ZNF385B: variants seen among roughly 807,000 people sequenced by gnomAD.
ZNF385B encodes zinc finger protein 385B.
A neutral mutation model predicts 39.2 loss-of-function variants in ZNF385B; 23 were observed. That is an observed-to-expected ratio of 0.59 (90% CI 0.42 to 0.83). The LOEUF is 0.83. Among genes scored for constraint, ZNF385B ranks in the 40% least tolerant of loss-of-function variants. The probability of loss-of-function intolerance (pLI) is 0.00; values close to 1 mark genes in which losing one functional copy is unlikely to be tolerated. For missense variants in ZNF385B, 552 were observed against 598.9 expected (o/e 0.92, Z 0.82); for synonymous variants, 205 against 222.6 (o/e 0.92, Z 0.70).
chr2:179,669,238 G>A (rs1265997831), intron 3 of ZNF385B, among the ~76,000 whole-genome samples: 1 of 152,140 alleles, frequency 6.6e-6, no homozygotes, highest in Non-Finnish European at 1.5e-5. Context: ...TGAGGAGTGG[G>A]GATTTGAAAG....
At chr2:179,851,539 G>A (rs925901679) in intron 1 of ZNF385B, among the ~76,000 whole-genome samples, 1 of 152,154 alleles carries the variant, frequency 6.6e-6, no homozygotes, top group Non-Finnish European at 1.5e-5. Flanking sequence ...CCTACAACAA[G>A]AAAATGCTAA....
chr2:179,582,618 T>C (rs904550437), intron 3 of ZNF385B, among the ~76,000 whole-genome samples: 4 of 152,190 alleles, frequency 2.6e-5, no homozygotes, highest in African/African-American at 9.6e-5. Context: ...ATGGAGATTA[T>C]ACTCAAATGC....
At chr2:179,811,410 T>G (rs1018987721) in intron 1 of ZNF385B, among the ~76,000 whole-genome samples, 7 of 152,120 alleles carry the variant, frequency 4.6e-5, no homozygotes, top group Non-Finnish European at 1.0e-4. Context: ...CAAACTATAC[T>G]ATATGGCTGT....
chr2:179,795,691 C>T (rs887289643), intron 1 of ZNF385B, among the ~76,000 whole-genome samples: 4 of 151,966 alleles, frequency 2.6e-5, no homozygotes, highest in African/African-American at 9.7e-5. Context: ...GTTGTTATTA[C>T]AGTGTTTTGA....
intron 3 of ZNF385B, among the ~76,000 whole-genome samples, chr2:179,595,624 C>CTT (rs71029821): frequency 6.9e-5 from 10 of 145,702 alleles, no homozygotes; most frequent in Middle Eastern, 3.3e-3. Context: ...CCCAGATATT[C>CTT]TTTTTTTTTT....
At chr2:179,601,300 A>G (rs1213695928) in intron 3 of ZNF385B, among the ~76,000 whole-genome samples, 2 of 152,174 alleles carry the variant, frequency 1.3e-5, no homozygotes, top group African/African-American at 2.4e-5. Context: ...GAGATTTTGA[A>G]GTTCACTAAG....
chr2:179,666,920 T>C (rs1695235862), intron 3 of ZNF385B, among the ~76,000 whole-genome samples: 1 of 152,224 alleles, frequency 6.6e-6, no homozygotes, highest in South Asian at 2.1e-4. Flanking sequence ...TTTTTTGTTT[T>C]ATCTAGATTC....
chr2:179,660,815 G>C (rs866432033), intron 3 of ZNF385B, among the ~76,000 whole-genome samples: 55 of 152,174 alleles, frequency 3.6e-4, no homozygotes, highest in African/African-American at 1.3e-3. Context: ...TACATAGCAT[G>C]CAAGCCAGCA....
At chr2:179,622,746 T>C (rs951517151) in intron 3 of ZNF385B, among the ~76,000 whole-genome samples, 1 of 152,212 alleles carries the variant, frequency 6.6e-6, no homozygotes, top group South Asian at 2.1e-4. Context: ...CTGGCATGAA[T>C]TTCTGTAACT....
intron 3 of ZNF385B, among the ~76,000 whole-genome samples, chr2:179,766,028 G>C (rs1225670495): frequency 2.5e-5 from 1 of 40,166 alleles, no homozygotes; most frequent in East Asian, 1.3e-3. Context: ...TTGGTACATT[G>C]ATCACACACA....
At chr2:179,700,109 A>C (rs1011498337) in intron 3 of ZNF385B, among the ~76,000 whole-genome samples, 13 of 151,122 alleles carry the variant, frequency 8.6e-5, no homozygotes, top group Non-Finnish European at 1.9e-4. Context: ...AAAAAAAGTT[A>C]CCATTTTCAT....
At chr2:179,570,835 A>C (rs1685127875) in intron 3 of ZNF385B, among the ~76,000 whole-genome samples, 1 of 152,224 alleles carries the variant, frequency 6.6e-6, no homozygotes, top group South Asian at 2.1e-4. Context: ...AGAGTTAATC[A>C]ATTCACAAGG....
chr2:179,782,144 G>A lies in ZNF385B; in HGVS notation c.-154-11472C>T, dbSNP rs185126105. On this transcript the variant is annotated intron_variant, in intron 1 of 9. Transcript: ENST00000410066. ...CAAAAAGCGAATCTACCATGATAAA[G>A]TAGGCTTCATCCCTGGGATGTAAGG... Among the ~76,000 whole-genome samples the A allele has an allele frequency of 4.0e-3, 606 of 152,270 alleles. 3 individuals carry two copies. Among genetic ancestry groups the A allele is most frequent in the Middle Eastern group, 6.8e-3 (2 of 294 alleles).
intron 3 of ZNF385B, among the ~76,000 whole-genome samples, chr2:179,754,426 T>C (rs1702882254): frequency 6.6e-6 from 1 of 152,222 alleles, no homozygotes; most frequent in African/African-American, 2.4e-5. Context: ...GGCTTTGCTG[T>C]CAGGATAATG....
At chr2:179,588,130 C>T (rs1475066907) in intron 3 of ZNF385B, among the ~76,000 whole-genome samples, 2 of 152,216 alleles carry the variant, frequency 1.3e-5, no homozygotes, top group Admixed American at 1.3e-4. Flanking sequence ...GCTCTGTCGC[C>T]CAGGCTGGAG....
At position 179,553,690 on chromosome 2, in the gene ZNF385B, G is replaced by C. The variant is rs1043722908; in HGVS notation, c.299-8721C>G. On this transcript the variant is annotated intron_variant, in intron 3 of 9. Transcript: ENST00000410066. ...CCTAAAGTAGGTTATATGTAAAGCT[G>C]TTACATGAAAAAGATTCTGTCATCA... Among the ~76,000 whole-genome samples, 11 of 149,058 alleles carry C rather than the reference G, an allele frequency of 7.4e-5. 1 individual carries two copies. The highest frequency in any genetic ancestry group is 2.8e-4 in the African/African-American group (11 of 39,536).
intron 4 of ZNF385B, among the ~76,000 whole-genome samples, chr2:179,526,753 G>T: frequency 6.6e-6 from 1 of 152,156 alleles, no homozygotes; most frequent in East Asian, 1.9e-4. Flanking sequence ...CCCTGACAAG[G>T]GTCCACCTGA....
intron 3 of ZNF385B, among the ~76,000 whole-genome samples, chr2:179,769,275 T>C (rs1430656990): frequency 6.6e-6 from 1 of 152,178 alleles, no homozygotes. Flanking sequence ...CATATACAAA[T>C]TGTGCATATG....
Position 179,769,708 on chromosome 2 carries a change from C to CGAT in ZNF385B, c.92_93insATC (p.Lys31_Asn32insSer). ...TCAACTGGTCCTCAGGCCTGTCGTT[C>CGAT]TTTATCCCCTTTTCTTCAAAGCCCC... On this transcript the variant is annotated inframe_insertion, in exon 3 of 10. Transcript: ENST00000410066. 6.2e-7 allele frequency: 1 copy of CGAT among 1,614,156 alleles called. No homozygotes were observed. The highest frequency in any genetic ancestry group is 8.5e-7 in the Non-Finnish European group (1 of 1,180,026).
Sources: gnomAD v4.1 joint callset for allele counts (sites outside exome capture counted in the v4.1 genomes callset) on GRCh38, gnomAD v4.1.1 for gene constraint, MANE v1.5 for transcripts, NCBI Gene and HGNC (gene_info 2026-07-23, HGNC 2026-07-21) for gene names.